The following ZNF592 variants were observed in gnomAD, a reference collection of about 807,000 sequenced individuals.
The protein encoded by ZNF592 is spinocerebellar ataxia, autosomal recessive 5.
A neutral mutation model predicts 80.3 loss-of-function variants in ZNF592; 11 were observed. The ratio of observed to expected loss-of-function variants is 0.14; its 90% CI spans 0.09 to 0.23. ZNF592 has a LOEUF of 0.23. Among genes scored for constraint, ZNF592 ranks in the 10% least tolerant of loss-of-function variants. The probability of loss-of-function intolerance (pLI) is 1.00; values close to 1 mark genes in which losing one functional copy is unlikely to be tolerated. For missense variants in ZNF592, 1,420 were observed against 1,633.9 expected, an observed-to-expected ratio of 0.87 and a Z score of 2.26; for synonymous variants, 646 against 640.3, an observed-to-expected ratio of 1.01 and a Z score of -0.13.
chr15:84,792,442 G>C (rs576409497), intron 5 of ZNF592, among the ~76,000 whole-genome samples: 1 of 152,188 alleles, frequency 6.6e-6, no homozygotes. Context: ...TTCTGTCTTG[G>C]GGTAAACATT....
chr15:84,749,840 T>C (rs1898961426), intron 1 of ZNF592, among the ~76,000 whole-genome samples: 2 of 152,202 alleles, frequency 1.3e-5, no homozygotes, highest in Admixed American at 1.3e-4. Context: ...TGCTAGTGCG[T>C]CCATTTTGAT....
intron 1 of ZNF592, chr15:84,754,561 C>T (rs1191795108): frequency 6.8e-6 from 1 of 147,484 alleles, no homozygotes; most frequent in Admixed American, 6.8e-5. Context: ...GATTCCATTT[C>T]AAAAAAAAAA....
chr15:84,749,983 T>A (rs965015763), intron 1 of ZNF592, among the ~76,000 whole-genome samples: 1 of 152,250 alleles, frequency 6.6e-6, no homozygotes, highest in African/African-American at 2.4e-5. Flanking sequence ...ATGTTTTAGT[T>A]CTTAGCCATT....
chr15:84,776,102 C>T (rs1157537788), intron 2 of ZNF592, among the ~76,000 whole-genome samples: 1 of 152,220 alleles, frequency 6.6e-6, no homozygotes, highest in East Asian at 1.9e-4. Context: ...CCTGCCTTGC[C>T]TCTTGACTAG....
chr15:84,759,961 C>T lies in ZNF592; in HGVS notation c.-258-4746C>T, dbSNP rs960867935. 6.2e-5 allele frequency among the ~76,000 whole-genome samples: 3 copies of T among 48,402 alleles called. 1 individual carries two copies. The highest frequency in any genetic ancestry group is 2.2e-4 in the African/African-American group (3 of 13,458). 31.8% of individuals were successfully genotyped at this position (48,402 alleles called of 152,430 possible). On this transcript the variant is annotated intron_variant, in intron 1 of 10. Transcript: ENST00000560079. ...TTTAAGGATTGGGGAGATTCCCCCCCCCCCCACCCTGCCATTTAAAAAGTA... is the reference window on the plus strand; with the variant it reads ...TTTAAGGATTGGGGAGATTCCCCCCTCCCCCACCCTGCCATTTAAAAAGTA...
At chr15:84,793,491 T>C (rs1257606247) in intron 5 of ZNF592, among the ~76,000 whole-genome samples, 1 of 152,242 alleles carries the variant, frequency 6.6e-6, no homozygotes, top group Non-Finnish European at 1.5e-5. Context: ...CAAACCTTTT[T>C]GTAAGGAATG....
chr15:84,801,723 CCAAA>C, intron 10 of ZNF592, 136 bp from the exon 11 acceptor site: 1 of 1,220,190 alleles, frequency 8.2e-7, no homozygotes, highest in Non-Finnish European at 1.2e-6. Flanking sequence ...TTGAAACAAA[CCAAA>C]CGTAAACCAG....
chr15:84,798,913 C>A lies in ZNF592; in HGVS notation c.3024+38C>A. On this transcript the variant is annotated intron_variant, in intron 8 of 10. Transcript: ENST00000560079. The surrounding 1 kb of genome is among the most constrained non-coding windows in gnomAD (Gnocchi z 4.5). ...ACACAGTCATAATGCAGAGCCCAGTCCTCTGGACTTCCTTCTGTGAAGCCA... is the reference window on the plus strand; with the variant it reads ...ACACAGTCATAATGCAGAGCCCAGTACTCTGGACTTCCTTCTGTGAAGCCA... 2 of 1,598,168 alleles carry A rather than the reference C, an allele frequency of 1.3e-6. No homozygotes were observed. Among genetic ancestry groups the A allele is most frequent in the South Asian group, 2.2e-5 (2 of 90,850 alleles).
chr15:84,776,591 A>G (rs893572581), intron 2 of ZNF592, among the ~76,000 whole-genome samples: 4 of 152,136 alleles, frequency 2.6e-5, no homozygotes, highest in African/African-American at 7.2e-5. Context: ...CCCCATCTCT[A>G]TTAGAGATAC....
chr15:84,775,053 T>C (rs919168648), intron 2 of ZNF592, among the ~76,000 whole-genome samples: 2 of 152,102 alleles, frequency 1.3e-5, no homozygotes, highest in Non-Finnish European at 2.9e-5. Context: ...AGTGCTGAGA[T>C]TACAGGCATG....
At chr15:84,771,302 C>G (rs1470379353) in intron 2 of ZNF592, among the ~76,000 whole-genome samples, 1 of 152,044 alleles carries the variant, frequency 6.6e-6, no homozygotes, top group African/African-American at 2.4e-5. Flanking sequence ...ACTGGAGTTG[C>G]AGTACTCAGA....
At chr15:84,759,392 G>C (rs1048979746) in intron 1 of ZNF592, among the ~76,000 whole-genome samples, 4 of 152,170 alleles carry the variant, frequency 2.6e-5, no homozygotes, top group African/African-American at 9.7e-5. Flanking sequence ...TGGGAGGAGA[G>C]AGGTGGTGGC....
chr15:84,773,698 A>C (rs1334076923), intron 2 of ZNF592, among the ~76,000 whole-genome samples: 1 of 152,062 alleles, frequency 6.6e-6, no homozygotes, highest in Non-Finnish European at 1.5e-5. Flanking sequence ...CAAACCTATA[A>C]GTTAGTTATA....
rs145372697 is a variant in ZNF592 at position 84,798,288 on chromosome 15, C to G, written c.2577-27C>G. On this transcript the variant is annotated intron_variant, in intron 6 of 10. Transcript: ENST00000560079. The surrounding 1 kb of genome is among the most constrained non-coding windows in gnomAD (Gnocchi z 4.5). ...AGGGGCTGCATGGTGCCTTGGCCACCTCACCCCCTAGGGCTTGTCTCATCA... is the reference window on the plus strand; with the variant it reads ...AGGGGCTGCATGGTGCCTTGGCCACGTCACCCCCTAGGGCTTGTCTCATCA... 0.011 allele frequency: 17,925 copies of G among 1,613,888 alleles called. 173 individuals carry two copies. Among genetic ancestry groups the G allele is most frequent in the African/African-American group, 0.039 (2,938 of 75,026 alleles).
chr15:84,758,743 C>T (rs985567626), intron 1 of ZNF592, among the ~76,000 whole-genome samples: 4 of 145,838 alleles, frequency 2.7e-5, no homozygotes, highest in Middle Eastern at 3.3e-3. Context: ...AAAACCCCAT[C>T]GCTACTGAAA....
At chr15:84,779,652 T>G (rs1288698171) in intron 3 of ZNF592, among the ~76,000 whole-genome samples, 1 of 152,122 alleles carries the variant, frequency 6.6e-6, no homozygotes, top group Non-Finnish European at 1.5e-5. Context: ...GTGCCTGACC[T>G]AAAATCTCTA....
chr15:84,765,535 G>GTTTTT lies in ZNF592; in HGVS notation c.-150+738_-150+742dup, dbSNP rs71453265. The stretch of plus-strand genomic sequence containing the variant: ...ATCCTCACTAGCACTTGTTATTATT[G>GTTTTT]TTTTTTTTTTTTTTTTTTTTTTGAG... On this transcript the variant is annotated intron_variant, in intron 2 of 10. Transcript: ENST00000560079. Among the ~76,000 whole-genome samples the GTTTTT allele has an allele frequency of 5.3e-3, 490 of 92,266 alleles. 10 individuals are homozygous for GTTTTT. Among genetic ancestry groups the GTTTTT allele is most frequent in the Non-Finnish European group, 7.2e-3 (365 of 50,404 alleles). The allele number at this position is 92,266 out of a possible 152,430, so 60.5% of individuals were successfully genotyped here. A position where few individuals can be genotyped will look rare whatever the true frequency, so the allele number is the denominator to read the frequency against.
At chr15:84,801,461 C>G (rs1963093979) in intron 10 of ZNF592, among the ~76,000 whole-genome samples, 1 of 152,250 alleles carries the variant, frequency 6.6e-6, no homozygotes, top group African/African-American at 2.4e-5. Flanking sequence ...GATTGTGCCT[C>G]TGCACTCCAG....
Position 84,805,682 on chromosome 15 carries a change from A to T in ZNF592, c.*3289A>T, listed in dbSNP as rs904224391. ...ACTTTGCCTTCCCCAAGACTGGGGA[A>T]CCTCTGTCCTGTTCACCACTGTATA... On this transcript the variant is annotated 3_prime_UTR_variant, in exon 11 of 11. Coordinates refer to ENST00000560079, the MANE Select transcript of ZNF592 (RefSeq NM_014630.3). The T allele has an allele frequency of 2.0e-5, 3 of 151,876 alleles. No individual in the cohort carries two copies. The highest frequency in any genetic ancestry group is 1.5e-5 in the Non-Finnish European group (1 of 67,864). 9.4% of individuals were successfully genotyped at this position (151,876 alleles called of 1,614,324 possible). A position where few individuals can be genotyped will look rare whatever the true frequency, so the allele number is the denominator to read the frequency against.
Sources: gnomAD v4.1 joint callset for allele counts (sites outside exome capture counted in the v4.1 genomes callset) on GRCh38, gnomAD v4.1.1 for gene constraint, Gnocchi (gnomAD v3.1) non-coding constraint, MANE v1.5 for transcripts, NCBI Gene and HGNC (gene_info 2026-07-23, HGNC 2026-07-21) for gene names.